ZPLD1: variants seen among roughly 807,000 people sequenced by gnomAD.
ZPLD1 encodes zona pellucida like domain containing 1, also known as zona pellucida-like domain-containing protein 1.
In ZPLD1, 34 loss-of-function variants were observed where a neutral mutation model predicts 47.2. That is an observed-to-expected ratio of 0.72 (90% CI 0.55 to 0.96). The LOEUF (loss-of-function observed/expected upper bound fraction) is 0.96, where lower values mean the gene tolerates loss of function less well. Ranked by LOEUF, ZPLD1 falls within the 40% of genes least tolerant of loss-of-function variation. The probability of loss-of-function intolerance (pLI) is 0.00; values close to 1 mark genes in which losing one functional copy is unlikely to be tolerated. For missense variants in ZPLD1, 512 were observed against 505.8 expected (o/e 1.01, Z -0.12); for synonymous variants, 176 against 186.2 (o/e 0.95, Z 0.45).
intron 7 of ZPLD1, among the ~76,000 whole-genome samples, chr3:102,397,125 A>C (rs544421041): frequency 1.8e-4 from 28 of 152,228 alleles, no homozygotes; most frequent in African/African-American, 6.5e-4. Context: ...ACCACTCCTC[A>C]CAGAAAATTT....
At chr3:102,469,210 A>G (rs1241662055) in intron 9 of ZPLD1, 75 bp downstream of exon 9, 2 of 1,461,130 alleles carry the variant, frequency 1.4e-6, no homozygotes, top group African/African-American at 1.4e-5. Flanking sequence ...TCAGAAACTA[A>G]GTTCTGCATA....
chr3:102,478,788 A>T lies in ZPLD1; in HGVS notation c.*1170A>T, dbSNP rs969479989. The T allele has an allele frequency of 6.6e-6, 1 of 152,240 alleles. No homozygotes were observed. The highest frequency in any genetic ancestry group is 1.5e-5 in the Non-Finnish European group (1 of 68,048). 9.4% of individuals were successfully genotyped at this position (152,240 alleles called of 1,614,324 possible). ...GCCCATGTTCTTACAAAAAAAATCAACATTCTCTTTGTTTAAGCTACCTAT... is the reference window on the plus strand; with the variant it reads ...GCCCATGTTCTTACAAAAAAAATCATCATTCTCTTTGTTTAAGCTACCTAT... On this transcript the variant is annotated 3_prime_UTR_variant, in exon 12 of 12. Transcript: ENST00000466937.
chr3:102,459,082 T>A (rs2107343542), intron 6 of ZPLD1, among the ~76,000 whole-genome samples: 1 of 93,050 alleles, frequency 1.1e-5, no homozygotes. Flanking sequence ...AGAGCGAGAC[T>A]CCGTCTCAAA....
intron 7 of ZPLD1, among the ~76,000 whole-genome samples, chr3:102,406,729 A>G (rs1441782101): frequency 2.0e-5 from 3 of 151,932 alleles, no homozygotes; most frequent in South Asian, 2.1e-4. Context: ...TTTATTCTAA[A>G]CCACAGTTTA....
intron 6 of ZPLD1, among the ~76,000 whole-genome samples, chr3:102,459,246 G>A (rs1052786406): frequency 2.6e-5 from 4 of 151,964 alleles, no homozygotes; most frequent in East Asian, 3.9e-4. Flanking sequence ...GAAAATTCCC[G>A]TCTGTTAATT....
At chr3:102,403,811 G>C (rs1228474465) in intron 7 of ZPLD1, among the ~76,000 whole-genome samples, 1 of 151,920 alleles carries the variant, frequency 6.6e-6, no homozygotes, top group Non-Finnish European at 1.5e-5. Context: ...GAATTGAGAA[G>C]GTTCTACTCT....
chr3:102,463,883 CA>C (rs1211126564), intron 7 of ZPLD1, among the ~76,000 whole-genome samples: 26,627 of 110,098 alleles, frequency 0.24, 2,797 homozygotes, highest in Middle Eastern at 0.33. Flanking sequence ...ATTAAAAATA[CA>C]AAAAAAAAAA....
chr3:102,391,796 G>A (rs1706498471), intron 6 of ZPLD1, among the ~76,000 whole-genome samples: 1 of 152,100 alleles, frequency 6.6e-6, no homozygotes, highest in Admixed American at 6.6e-5. Context: ...GGAGTGCTTT[G>A]TTAGGCAGCA....
intron 7 of ZPLD1, among the ~76,000 whole-genome samples, chr3:102,414,778 A>AC (rs1559744491): frequency 6.6e-6 from 1 of 151,870 alleles, no homozygotes; most frequent in African/African-American, 2.4e-5. Context: ...CCCAAAAAAA[A>AC]CAAACAGATG....
At chr3:102,430,345 G>A (rs1188602712), upstream of ZPLD1, among the ~76,000 whole-genome samples, 2 of 152,094 alleles carry the variant, frequency 1.3e-5, no homozygotes, top group Admixed American at 6.6e-5. Flanking sequence ...TCTAAATTAG[G>A]ATCTACTGTG....
intron 10 of ZPLD1, among the ~76,000 whole-genome samples, chr3:102,471,681 C>G (rs1035822621): frequency 6.6e-6 from 1 of 152,098 alleles, no homozygotes; most frequent in Non-Finnish European, 1.5e-5. Flanking sequence ...AAACTAAGGC[C>G]GGAAAAACTG....
chr3:102,411,245 A>C lies in ZPLD1; in HGVS notation c.-156-6815A>C, dbSNP rs74954192. The stretch of plus-strand genomic sequence containing the variant: ...TTTTCCAAAGCTGAAAGTATGTAAA[A>C]CTGTACCAAAAAACCCTTTGCCCAG... On this transcript the variant is annotated intron_variant, in intron 7 of 17. Coordinates refer to the ZPLD1 transcript ENST00000491959. Among the ~76,000 whole-genome samples, 1,407 of 151,862 alleles carry C rather than the reference A, an allele frequency of 9.3e-3. 24 individuals are homozygous for C. The highest frequency in any genetic ancestry group is 0.033 in the African/African-American group (1,350 of 41,496).
intron 8 of ZPLD1, among the ~76,000 whole-genome samples, chr3:102,468,695 A>G (rs187141876): frequency 1.1e-4 from 16 of 152,336 alleles, no homozygotes; most frequent in African/African-American, 3.8e-4. Context: ...TATGTATTTT[A>G]AATTATTTGG....
At chr3:102,412,690 G>T (rs1706758890) in intron 7 of ZPLD1, among the ~76,000 whole-genome samples, 1 of 151,720 alleles carries the variant, frequency 6.6e-6, no homozygotes, top group African/African-American at 2.4e-5. Flanking sequence ...TGAATTTGCT[G>T]ATAGTCATAG....
rs769994644 is a variant in ZPLD1 at position 102,435,142 on chromosome 3, G to A, written c.-135G>A. 59 of 1,613,990 alleles carry A rather than the reference G, an allele frequency of 3.7e-5. No homozygotes were observed. The highest frequency in any genetic ancestry group is 4.5e-5 in the Non-Finnish European group (53 of 1,180,018). ...GATGCTCAGGTTTTCCATGTGCAGG[G>A]GAAATGATGAAGGTAAGGTTGAGGA... On this transcript the variant is annotated 5_prime_UTR_variant, in exon 1 of 12. Transcript: ENST00000466937.
intron 4 of ZPLD1, among the ~76,000 whole-genome samples, chr3:102,455,812 T>A (rs1161164908): frequency 6.6e-6 from 1 of 152,138 alleles, no homozygotes; most frequent in Non-Finnish European, 1.5e-5. Context: ...GACAGCATTA[T>A]CATCAAGAGT....
intron 6 of ZPLD1, among the ~76,000 whole-genome samples, chr3:102,388,880 G>A (rs917122212): frequency 2.0e-5 from 3 of 152,106 alleles, no homozygotes; most frequent in African/African-American, 7.2e-5. Flanking sequence ...AGATGTCTGG[G>A]TGCTACAATG....
intron 8 of ZPLD1, among the ~76,000 whole-genome samples, chr3:102,424,286 T>C (rs761145634): frequency 1.8e-4 from 27 of 152,152 alleles, no homozygotes; most frequent in Non-Finnish European, 4.0e-4. Context: ...TTTCCCTTTG[T>C]GAAAAAATTT....
chr3:102,478,373 A>G lies in ZPLD1; in HGVS notation c.*755A>G, dbSNP rs1707789612. The stretch of plus-strand genomic sequence containing the variant: ...ACATGTTAACTCTCCTCCCAGGTAA[A>G]CAGTTCAGCTGCTGTTGCAGCTGTG... On this transcript the variant is annotated 3_prime_UTR_variant, in exon 12 of 12. Coordinates refer to ENST00000466937, the MANE Select transcript of ZPLD1 (RefSeq NM_001329788.2). 6.6e-6 allele frequency: 1 copy of G among 151,194 alleles called. No homozygotes were observed. Among genetic ancestry groups the G allele is most frequent in the Non-Finnish European group, 1.5e-5 (1 of 67,708 alleles). The allele number at this position is 151,194 out of a possible 1,614,324, so 9.4% of individuals were successfully genotyped here. A position where few individuals can be genotyped will look rare whatever the true frequency, so the allele number is the denominator to read the frequency against.
Sources: allele counts gnomAD v4.1 joint callset (sites outside exome capture counted in the v4.1 genomes callset), GRCh38; gene constraint gnomAD v4.1.1; transcripts MANE v1.5; gene names NCBI Gene and HGNC (gene_info 2026-07-23, HGNC 2026-07-21).